The following HERC5 variants were observed in gnomAD, a reference collection of about 807,000 sequenced individuals.
HERC5 encodes the protein E3 ISG15--protein ligase HERC5.
In HERC5, 99 loss-of-function variants were observed where a neutral mutation model predicts 119.6. That is an observed-to-expected ratio of 0.83 (90% CI 0.70 to 0.98). HERC5 has a LOEUF of 0.98. Among genes scored for constraint, HERC5 ranks in the 50% least tolerant of loss-of-function variants. The probability of loss-of-function intolerance (pLI) is 0.00; values close to 1 mark genes in which losing one functional copy is unlikely to be tolerated. For missense variants in HERC5, 1,267 were observed against 1,241.3 expected, an observed-to-expected ratio of 1.02 and a Z score of -0.31; for synonymous variants, 478 against 445.9, an observed-to-expected ratio of 1.07 and a Z score of -0.91.
chr4:88,461,824 G>A (rs2149084337), intron 3 of HERC5, among the ~76,000 whole-genome samples: 1 of 152,154 alleles, frequency 6.6e-6, no homozygotes, highest in East Asian at 1.9e-4. Context: ...TTTTTCATGG[G>A]CCCGTCCTCT....
At chr4:88,485,714 C>T (rs1198323193) in intron 13 of HERC5, among the ~76,000 whole-genome samples, 3 of 152,042 alleles carry the variant, frequency 2.0e-5, no homozygotes, top group East Asian at 3.8e-4. Flanking sequence ...AATTTCCTCT[C>T]GGTAGGGGAA....
Position 88,479,317 on chromosome 4 carries a change from A to G in HERC5, c.1583-36A>G, listed in dbSNP as rs192008543. The stretch of plus-strand genomic sequence containing the variant: ...AAAAAAAAAAAGCACAATAAAACTC[A>G]TTTTTTAAAAAATTTGCTTTCCTTG... On this transcript the variant is annotated intron_variant, in intron 12 of 22. Transcript: ENST00000264350. 9,325 of 1,503,460 alleles carry G rather than the reference A, an allele frequency of 6.2e-3. 48 individuals are homozygous for G. Among genetic ancestry groups the G allele is most frequent in the Non-Finnish European group, 7.4e-3 (8,397 of 1,127,464 alleles). 93.1% of individuals were successfully genotyped at this position (1,503,460 alleles called of 1,614,324 possible). A position where few individuals can be genotyped will look rare whatever the true frequency, so the allele number is the denominator to read the frequency against.
intron 13 of HERC5, among the ~76,000 whole-genome samples, chr4:88,479,727 T>C (rs567550729): frequency 3.5e-4 from 53 of 152,258 alleles, no homozygotes; most frequent in Admixed American, 1.6e-3. Flanking sequence ...ATTAGTGTCC[T>C]TACCACCCAT....
In HERC5 at chr4:88,457,189, C is replaced by T. The variant is rs931264835; in HGVS notation, c.-81C>T. 1 of 1,242,138 alleles carries T rather than the reference C, an allele frequency of 8.1e-7. No individual in the cohort carries two copies. 76.9% of individuals were successfully genotyped at this position (1,242,138 alleles called of 1,614,324 possible). ...CTGGTTCCCGCTCTGCAGCGCAACGCCTGAGGCAGTGGGCGCGCTCAGTCC... is the reference window on the plus strand; with the variant it reads ...CTGGTTCCCGCTCTGCAGCGCAACGTCTGAGGCAGTGGGCGCGCTCAGTCC... On this transcript the variant is annotated 5_prime_UTR_variant, in exon 1 of 23. Transcript: ENST00000264350.
In HERC5 at chr4:88,489,164, A is replaced by G. The variant is rs1741555862; in HGVS notation, c.1963-2A>G. On this transcript the variant is annotated splice_acceptor_variant, in intron 15 of 22. Transcript: ENST00000264350. LOFTEE classifies it high-confidence loss of function. Reference sequence around the variant, plus strand: ...GTAATATTTCTGTTTCTGTTTTCCTAGAGTAAAAAACATAAAGCTTATCTT... The same window carrying G: ...GTAATATTTCTGTTTCTGTTTTCCTGGAGTAAAAAACATAAAGCTTATCTT... 1 of 1,596,910 alleles carries G rather than the reference A, an allele frequency of 6.3e-7. No individual in the cohort carries two copies. Among genetic ancestry groups the G allele is most frequent in the South Asian group, 1.1e-5 (1 of 87,416 alleles).
chr4:88,495,468 G>A (rs1287495206), intron 18 of HERC5, among the ~76,000 whole-genome samples: 2 of 152,134 alleles, frequency 1.3e-5, no homozygotes, highest in Admixed American at 6.5e-5. Flanking sequence ...GCTGAGGCAG[G>A]TGGATAGATT....
At chr4:88,481,239 G>T (rs1741266007) in intron 13 of HERC5, among the ~76,000 whole-genome samples, 1 of 152,152 alleles carries the variant, frequency 6.6e-6, no homozygotes, top group Non-Finnish European at 1.5e-5. Flanking sequence ...TTTTTGTAGA[G>T]ATGGGGTTTC....
intron 9 of HERC5, among the ~76,000 whole-genome samples, chr4:88,469,904 T>G (rs1011499606): frequency 4.6e-5 from 7 of 152,192 alleles, no homozygotes; most frequent in African/African-American, 1.4e-4. Flanking sequence ...TCTGTTTATG[T>G]ATATTGTGAC....
intron 10 of HERC5, 98 bp from the exon 11 acceptor site, chr4:88,472,310 GA>G: frequency 2.8e-6 from 2 of 710,738 alleles, no homozygotes; most frequent in Non-Finnish European, 5.0e-6. Context: ...ACACACTTGA[GA>G]AAAAAGGTAA....
chr4:88,484,965 A>G (rs1741406070), intron 13 of HERC5, among the ~76,000 whole-genome samples: 1 of 152,068 alleles, frequency 6.6e-6, no homozygotes, highest in Non-Finnish European at 1.5e-5. Flanking sequence ...AGGGTACCTA[A>G]TATATCATAC....
intron 13 of HERC5, among the ~76,000 whole-genome samples, chr4:88,479,820 C>A (rs974393283): frequency 1.3e-5 from 2 of 152,096 alleles, no homozygotes; most frequent in African/African-American, 4.8e-5. Flanking sequence ...GTCATCCTAG[C>A]ACTTTAGGAG....
At chr4:88,463,423 A>C in intron 4 of HERC5, 109 bp from the exon 5 acceptor site, 1 of 689,682 alleles carries the variant, frequency 1.4e-6, no homozygotes, top group South Asian at 1.8e-5. Flanking sequence ...TCTTGTCAGA[A>C]TATCATGAGA....
At chr4:88,471,972 CCCTT>C (rs949518673) in intron 10 of HERC5, among the ~76,000 whole-genome samples, 6 of 132,400 alleles carry the variant, frequency 4.5e-5, no homozygotes, top group African/African-American at 1.6e-4. Flanking sequence ...CTCCCTCCTT[CCCTT>C]CCTTCTTTCT....
At chr4:88,483,455 C>T (rs1302919250) in intron 13 of HERC5, among the ~76,000 whole-genome samples, 1 of 151,792 alleles carries the variant, frequency 6.6e-6, no homozygotes, top group Non-Finnish European at 1.5e-5. Flanking sequence ...TGATTCTCCA[C>T]CTGGGCCTTG....
At chr4:88,502,515 C>T (rs545182894) in intron 20 of HERC5, among the ~76,000 whole-genome samples, 57 of 152,130 alleles carry the variant, frequency 3.7e-4, no homozygotes, top group African/African-American at 1.2e-3. Context: ...ATTTAAGCCA[C>T]GCAGCCATCA....
At chr4:88,496,913 TGA>T (rs1169168666) in intron 18 of HERC5, among the ~76,000 whole-genome samples, 1 of 152,148 alleles carries the variant, frequency 6.6e-6, no homozygotes, top group East Asian at 1.9e-4. Flanking sequence ...GGAGCCCTCA[TGA>T]GTAGAATTCA....
chr4:88,459,048 G>A (rs985716264), intron 1 of HERC5, among the ~76,000 whole-genome samples: 2 of 151,740 alleles, frequency 1.3e-5, no homozygotes, highest in Non-Finnish European at 2.9e-5. Flanking sequence ...TTCAAATTTC[G>A]TTCGTCTTAA....
chr4:88,495,257 G>A (rs1741765283), intron 18 of HERC5, among the ~76,000 whole-genome samples: 2 of 152,036 alleles, frequency 1.3e-5, no homozygotes, highest in South Asian at 2.1e-4. Context: ...TTTTTAAAGA[G>A]TAAGAACAGG....
Position 88,492,906 on chromosome 4 carries a change from A to G in HERC5, c.2134-106A>G, listed in dbSNP as rs184803012. 17 of 1,066,216 alleles carry G rather than the reference A, an allele frequency of 1.6e-5. No homozygotes were observed. In the African/African-American group the frequency reaches 2.5e-4, roughly 16 times the overall value. 66.0% of individuals were successfully genotyped at this position (1,066,216 alleles called of 1,614,324 possible). Reference sequence around the variant, plus strand: ...ATACTTACCTCAGTGCCTTCCAAATACTTGGGTCCACAATTAATGTTAGCT... The same window carrying G: ...ATACTTACCTCAGTGCCTTCCAAATGCTTGGGTCCACAATTAATGTTAGCT... On this transcript the variant is annotated intron_variant, in intron 16 of 22. Transcript: ENST00000264350.
Sources: allele counts gnomAD v4.1 joint callset (sites outside exome capture counted in the v4.1 genomes callset), GRCh38; gene constraint gnomAD v4.1.1; transcripts MANE v1.5; gene names NCBI Gene and HGNC (gene_info 2026-07-23, HGNC 2026-07-21).